Variants in MBNL2 observed in about 807,000 individuals in gnomAD.
MBNL2 encodes muscleblind like splicing regulator 2, also known as muscleblind-like protein 2.
Under a neutral mutation model 41.9 loss-of-function variants are expected in MBNL2, and 17 were observed. The ratio of observed to expected loss-of-function variants is 0.41; its 90% CI spans 0.28 to 0.61. The LOEUF (loss-of-function observed/expected upper bound fraction) is 0.61, where lower values mean the gene tolerates loss of function less well. Among genes scored for constraint, MBNL2 ranks in the 20% least tolerant of loss-of-function variants. The pLI, the probability that MBNL2 is intolerant of heterozygous loss-of-function variation, is 0.35. For synonymous variants in MBNL2, 195 were observed against 182.9 expected (o/e 1.07, Z -0.53); for missense variants, 336 against 505.6 (o/e 0.66, Z 3.22).
chr13:97,194,110 A>C, the MBNL2 span, among the ~76,000 whole-genome samples: 1 of 152,104 alleles, frequency 6.6e-6, no homozygotes, highest in Non-Finnish European at 1.5e-5. Flanking sequence ...TGAACATACC[A>C]CTCAAAGTCT....
chr13:97,370,213 A>G (rs984585243), intron 8 of MBNL2, among the ~76,000 whole-genome samples: 11 of 149,866 alleles, frequency 7.3e-5, no homozygotes, highest in African/African-American at 2.7e-4. Flanking sequence ...CAGCTTCTAA[A>G]TGGTCTTGCT....
chr13:97,329,324 TAATAA>T lies in MBNL2; in HGVS notation c.175-4948_175-4944del, dbSNP rs1264523030. ...GGTGGTCTCCAAACAATATAAACTA[TAATAA>T]AATTAGAAATATGAAATATAATAAT... On this transcript the variant is annotated intron_variant, in intron 2 of 8. Coordinates refer to ENST00000679496, the MANE Select transcript of MBNL2 (RefSeq NM_001382683.1). Among the ~76,000 whole-genome samples the T allele has an allele frequency of 1.4e-4, 22 of 152,172 alleles. 2 individuals are homozygous for T. The highest frequency in any genetic ancestry group is 1.4e-3 in the Admixed American group (22 of 15,276).
chr13:97,213,313 G>GA, the MBNL2 span, among the ~76,000 whole-genome samples: 43 of 150,044 alleles, frequency 2.9e-4, no homozygotes, highest in South Asian at 2.3e-3. Flanking sequence ...TAATGAACAG[G>GA]AAAAAAAAAC....
chr13:97,355,372 T>G (rs544192700), intron 5 of MBNL2, among the ~76,000 whole-genome samples: 3 of 152,238 alleles, frequency 2.0e-5, no homozygotes, highest in Admixed American at 2.0e-4. Flanking sequence ...AAACATCCTT[T>G]ATTTATCCAG....
At chr13:97,168,125 C>T in the MBNL2 span, among the ~76,000 whole-genome samples, 4 of 152,012 alleles carry the variant, frequency 2.6e-5, no homozygotes, top group Non-Finnish European at 4.4e-5. Flanking sequence ...GCCACCATGC[C>T]CAGCTAATTT....
chr13:97,155,068 ACTC>A, the MBNL2 span, among the ~76,000 whole-genome samples: 10 of 151,944 alleles, frequency 6.6e-5, no homozygotes, highest in African/African-American at 2.4e-4. Flanking sequence ...ATGAGCCCAA[ACTC>A]CTGGGAGACC....
At chr13:97,303,402 A>C (rs1467124437) in intron 2 of MBNL2, among the ~76,000 whole-genome samples, 6 of 152,140 alleles carry the variant, frequency 3.9e-5, no homozygotes, top group Non-Finnish European at 5.9e-5. Context: ...AGGACCAGCA[A>C]AATCATGGAG....
the MBNL2 span, among the ~76,000 whole-genome samples, chr13:97,187,387 T>C: frequency 6.6e-6 from 1 of 151,666 alleles, no homozygotes; most frequent in Non-Finnish European, 1.5e-5. Flanking sequence ...AGCAAGTCAC[T>C]CAAAGGCTTT....
At chr13:97,192,389 G>A in the MBNL2 span, among the ~76,000 whole-genome samples, 1 of 152,182 alleles carries the variant, frequency 6.6e-6, no homozygotes, top group Non-Finnish European at 1.5e-5. Flanking sequence ...CACCTGGCAG[G>A]TGTCAAATGC....
intron 2 of MBNL2, among the ~76,000 whole-genome samples, chr13:97,333,599 A>G (rs1024668161): frequency 1.1e-4 from 16 of 152,282 alleles, no homozygotes; most frequent in African/African-American, 3.4e-4. Context: ...ATCTATGTGT[A>G]TATCACCAAG....
intron 7 of MBNL2, among the ~76,000 whole-genome samples, chr13:97,364,083 C>T (rs531411213): frequency 2.0e-5 from 3 of 152,198 alleles, no homozygotes; most frequent in Non-Finnish European, 2.9e-5. Context: ...CAGATAATTC[C>T]TCAAAGCTTT....
intron 2 of MBNL2, among the ~76,000 whole-genome samples, chr13:97,306,343 A>T (rs1305869476): frequency 6.6e-6 from 1 of 152,216 alleles, no homozygotes; most frequent in East Asian, 1.9e-4. Context: ...TCATTTTTGC[A>T]GCCCTTCATT....
intron 8 of MBNL2, among the ~76,000 whole-genome samples, chr13:97,382,413 G>A (rs1007477425): frequency 1.3e-5 from 2 of 152,206 alleles, no homozygotes; most frequent in Admixed American, 6.5e-5. Flanking sequence ...AGATGTCCAT[G>A]CAACAGAAAA....
intron 1 of MBNL2, among the ~76,000 whole-genome samples, chr13:97,250,097 A>G (rs1372451615): frequency 1.3e-5 from 2 of 151,890 alleles, no homozygotes; most frequent in Non-Finnish European, 2.9e-5. Flanking sequence ...TATTGCTTCT[A>G]TTTCATTTGT....
chr13:97,182,492 T>A, the MBNL2 span, among the ~76,000 whole-genome samples: 1 of 152,206 alleles, frequency 6.6e-6, no homozygotes, highest in Non-Finnish European at 1.5e-5. Context: ...TGGTGACACT[T>A]ATGCCATTTA....
At chr13:97,345,453 A>C (rs1426010959) in intron 4 of MBNL2, among the ~76,000 whole-genome samples, 2 of 152,228 alleles carry the variant, frequency 1.3e-5, no homozygotes, top group Non-Finnish European at 2.9e-5. Context: ...TCATACAGTA[A>C]AATCTTGATC....
intron 1 of MBNL2, among the ~76,000 whole-genome samples, chr13:97,256,269 A>G: frequency 6.6e-6 from 1 of 152,072 alleles, no homozygotes; most frequent in South Asian, 2.1e-4. Flanking sequence ...GAATCATGAC[A>G]TGTGAAATTC....
intron 1 of MBNL2, among the ~76,000 whole-genome samples, chr13:97,240,604 C>T (rs529772785): frequency 1.9e-4 from 29 of 152,256 alleles, no homozygotes; most frequent in African/African-American, 7.0e-4. Context: ...GGCTTGATAT[C>T]CCTCACAAAG....
chr13:97,240,709 G>C (rs1180118715), intron 1 of MBNL2, among the ~76,000 whole-genome samples: 1 of 152,188 alleles, frequency 6.6e-6, no homozygotes, highest in Non-Finnish European at 1.5e-5. Flanking sequence ...TAAAACACTG[G>C]AGCATGTTAC....
Sources: allele counts gnomAD v4.1 joint callset (sites outside exome capture counted in the v4.1 genomes callset), GRCh38; gene constraint gnomAD v4.1.1; transcripts MANE v1.5; gene names NCBI Gene and HGNC (gene_info 2026-07-23, HGNC 2026-07-21).